DENND6A: variants seen among roughly 807,000 people sequenced by gnomAD.
DENND6A encodes DENN domain containing 6A.
Under a neutral mutation model 95.5 loss-of-function variants are expected in DENND6A, and 43 were observed. The observed-to-expected ratio is 0.45, with a 90% confidence interval of 0.35 to 0.58. The LOEUF (loss-of-function observed/expected upper bound fraction) is 0.58, where lower values mean the gene tolerates loss of function less well. Ranked by LOEUF, DENND6A falls within the 20% of genes least tolerant of loss-of-function variation. DENND6A has a pLI of 0.00. For synonymous variants in DENND6A, 257 were observed against 260.4 expected, an observed-to-expected ratio of 0.99 and a Z score of 0.13; for missense variants, 574 against 736.0, an observed-to-expected ratio of 0.78 and a Z score of 2.55.
intron 1 of DENND6A, among the ~76,000 whole-genome samples, chr3:57,682,575 G>C (rs1008504511): frequency 5.3e-5 from 8 of 151,948 alleles, no homozygotes; most frequent in African/African-American, 1.9e-4. Context: ...AATTATATAA[G>C]CTGAAATTTT....
rs186120017 is a variant in DENND6A, at chr3:57,685,202, C to T, written c.237+7580G>A. On this transcript the variant is annotated intron_variant, in intron 1 of 19. Coordinates refer to ENST00000311128, the MANE Select transcript of DENND6A (RefSeq NM_152678.3). ...CCTCCCAAAGTGCTGGGATTACAGGCGTGAGCCACCACGTCCAGCCTAGAA... is the reference window on the plus strand; with the variant it reads ...CCTCCCAAAGTGCTGGGATTACAGGTGTGAGCCACCACGTCCAGCCTAGAA... Among the ~76,000 whole-genome samples the T allele has an allele frequency of 1.4e-3, 211 of 151,852 alleles. 1 individual carries two copies. Among genetic ancestry groups the T allele is most frequent in the Non-Finnish European group, 2.4e-3 (166 of 67,952 alleles).
At chr3:57,669,497 C>T (rs2071579308) in intron 3 of DENND6A, among the ~76,000 whole-genome samples, 1 of 150,732 alleles carries the variant, frequency 6.6e-6, no homozygotes, top group South Asian at 2.2e-4. Context: ...GAGCGGATCA[C>T]AAGGTCAGGA....
At chr3:57,642,963 G>A (rs999569642) in intron 11 of DENND6A, among the ~76,000 whole-genome samples, 7 of 145,862 alleles carry the variant, frequency 4.8e-5, no homozygotes, top group Admixed American at 2.8e-4. Flanking sequence ...CCAAGATCGC[G>A]CCATCACACT....
chr3:57,650,580 G>A (rs1373536629), intron 9 of DENND6A, among the ~76,000 whole-genome samples: 3 of 151,946 alleles, frequency 2.0e-5, no homozygotes, highest in East Asian at 1.9e-4. Flanking sequence ...AAGAACAAAG[G>A]CTTTTTAGAG....
chr3:57,667,912 A>G (rs1192217704), intron 3 of DENND6A, among the ~76,000 whole-genome samples: 1 of 152,052 alleles, frequency 6.6e-6, no homozygotes, highest in African/African-American at 2.4e-5. Flanking sequence ...CTAAAAATAT[A>G]AAAATTAGCC....
chr3:57,657,496 A>G (rs1268150744), intron 9 of DENND6A, among the ~76,000 whole-genome samples, 184 bp downstream of exon 9: 1 of 152,178 alleles, frequency 6.6e-6, no homozygotes, highest in East Asian at 1.9e-4. Flanking sequence ...CTATATTTAA[A>G]TTTCCCTAAT....
intron 1 of DENND6A, among the ~76,000 whole-genome samples, chr3:57,691,718 C>T (rs1004315623): frequency 7.0e-6 from 1 of 143,464 alleles, no homozygotes; most frequent in Admixed American, 6.9e-5. Flanking sequence ...TCTAAACAAA[C>T]GCCCTTCTGA....
At chr3:57,650,393 TGA>T (rs762733080) in intron 9 of DENND6A, among the ~76,000 whole-genome samples, 4 of 149,498 alleles carry the variant, frequency 2.7e-5, no homozygotes, top group Admixed American at 6.8e-5. Flanking sequence ...ATTTAATATA[TGA>T]GTGTGTATAT....
chr3:57,669,424 GA>G (rs1164767136), intron 3 of DENND6A, among the ~76,000 whole-genome samples: 2 of 151,904 alleles, frequency 1.3e-5, no homozygotes, highest in Admixed American at 1.3e-4. Flanking sequence ...ATATCTATGA[GA>G]AAAAAATCAG....
chr3:57,668,061 T>G (rs1032151243), intron 3 of DENND6A, among the ~76,000 whole-genome samples: 2 of 151,328 alleles, frequency 1.3e-5, no homozygotes, highest in African/African-American at 4.8e-5. Context: ...CAAGACCCTA[T>G]CTCAAAAAAA....
intron 8 of DENND6A, 122 bp from the exon 9 acceptor site, chr3:57,657,857 T>C (rs1247801178): frequency 3.4e-6 from 2 of 585,146 alleles, no homozygotes; most frequent in Non-Finnish European, 6.0e-6. Context: ...ATTCTCTTCC[T>C]TTAGGAACAG....
At position 57,636,364 on chromosome 3, in the gene DENND6A, T is replaced by A. The variant is rs182182248; in HGVS notation, c.1133-1595A>T. Among the ~76,000 whole-genome samples, 79 of 152,312 alleles carry A rather than the reference T, an allele frequency of 5.2e-4. No homozygotes were observed. In the Middle Eastern group the frequency reaches 0.031, roughly 59 times the overall value. On this transcript the variant is annotated intron_variant, in intron 12 of 19. Coordinates refer to ENST00000311128, the MANE Select transcript of DENND6A (RefSeq NM_152678.3). ...ACAGATACTTGTTAAAAAAGCAGTATCATGGATACACAGACTTATTTTTTC... is the reference window on the plus strand; with the variant it reads ...ACAGATACTTGTTAAAAAAGCAGTAACATGGATACACAGACTTATTTTTTC...
chr3:57,644,563 C>T (rs1250198709), intron 11 of DENND6A, among the ~76,000 whole-genome samples: 1 of 150,520 alleles, frequency 6.6e-6, no homozygotes, highest in Non-Finnish European at 1.5e-5. Context: ...CCGCCTCAGC[C>T]TACCAAAGTG....
At chr3:57,628,761 A>G (rs559469746) in intron 19 of DENND6A, 50 bp downstream of exon 19, 10 of 1,573,734 alleles carry the variant, frequency 6.4e-6, no homozygotes, top group South Asian at 5.8e-5. Context: ...TGAGAGGACA[A>G]TGTCTTCAAA....
chr3:57,662,682 TGGA>T (rs1403726525), intron 5 of DENND6A, among the ~76,000 whole-genome samples: 5 of 152,104 alleles, frequency 3.3e-5, no homozygotes, highest in Non-Finnish European at 7.4e-5. Flanking sequence ...AAAACTTAAG[TGGA>T]CTCCTCTGGC....
At chr3:57,630,632 A>T in intron 17 of DENND6A, 83 bp downstream of exon 17, 1 of 1,537,404 alleles carries the variant, frequency 6.5e-7, no homozygotes, top group Non-Finnish European at 8.8e-7. Context: ...ATTTTTTAAA[A>T]AGAATAAGCT....
chr3:57,626,292 G>A lies in DENND6A; in HGVS notation c.*1922C>T, dbSNP rs1056429465. 2.0e-5 allele frequency: 3 copies of A among 152,554 alleles called. No individual in the cohort carries two copies. The highest frequency in any genetic ancestry group is 4.8e-5 in the African/African-American group (2 of 41,436). The allele number at this position is 152,554 out of a possible 1,614,324, so 9.5% of individuals were successfully genotyped here. ...AATGCCCTTAAGAGTTATATCGACA[G>A]AGAACAAAAGATAGCTTCTGAAGCC... is the stretch of plus-strand genomic sequence containing the variant. On this transcript the variant is annotated 3_prime_UTR_variant, in exon 20 of 20. Coordinates refer to ENST00000311128, the MANE Select transcript of DENND6A (RefSeq NM_152678.3).
intron 10 of DENND6A, 86 bp downstream of exon 10, chr3:57,646,230 G>T: frequency 6.6e-7 from 1 of 1,511,800 alleles, no homozygotes; most frequent in Non-Finnish European, 8.9e-7. Flanking sequence ...AATACGACAG[G>T]TGGGAAGTGC....
chr3:57,641,587 T>A, intron 12 of DENND6A, 66 bp downstream of exon 12: 2 of 1,344,778 alleles, frequency 1.5e-6, no homozygotes, highest in African/African-American at 3.0e-5. Context: ...TAATCAAGGA[T>A]GAAAAGAAAG....
Sources: gnomAD v4.1 joint callset for allele counts (sites outside exome capture counted in the v4.1 genomes callset) on GRCh38, gnomAD v4.1.1 for gene constraint, MANE v1.5 for transcripts, NCBI Gene and HGNC (gene_info 2026-07-23, HGNC 2026-07-21) for gene names.